Variants in C12orf42 observed in about 807,000 individuals in gnomAD.
The protein encoded by C12orf42 is uncharacterized protein C12orf42.
C12orf42 carries 25 observed loss-of-function variants against 21.6 expected under a neutral mutation model. The ratio of observed to expected loss-of-function variants is 1.16; its 90% confidence interval spans 0.84 to 1.62. The LOEUF is 1.62. Among genes scored for constraint, C12orf42 ranks in the 40% most tolerant of loss-of-function variants. The probability of loss-of-function intolerance (pLI) is 0.00; values close to 1 mark genes in which losing one functional copy is unlikely to be tolerated. For synonymous variants in C12orf42, 174 were observed against 175.0 expected (o/e 0.99, Z 0.05); for missense variants, 483 against 459.3 (o/e 1.05, Z -0.47).
the C12orf42 span, among the ~76,000 whole-genome samples, chr12:103,055,934 T>C: frequency 6.6e-6 from 1 of 152,048 alleles, no homozygotes; most frequent in Non-Finnish European, 1.5e-5. Context: ...TCTGAATTGG[T>C]TGAGATTTGT....
At chr12:103,487,404 T>C (rs1458403967) in intron 1 of C12orf42, among the ~76,000 whole-genome samples, 1 of 152,214 alleles carries the variant, frequency 6.6e-6, no homozygotes, top group East Asian at 1.9e-4. Context: ...GTAAGTGTGA[T>C]GTGGTGCTGA....
In C12orf42 at chr12:103,444,137, AT is replaced by A. The variant is rs1951433094; in HGVS notation, c.78+34211del. On this transcript the variant is annotated intron_variant, in intron 2 of 5. Transcript: ENST00000548883. ...GTTACCCATTTTAATAATTTATGTT[AT>A]CTTTACTAATTATAATTATTAATGC... Among the ~76,000 whole-genome samples the A allele has an allele frequency of 2.6e-5, 4 of 152,118 alleles. No homozygotes were observed. The South Asian group carries it at 8.3e-4, about 31-fold the overall frequency.
the C12orf42 span, among the ~76,000 whole-genome samples, chr12:103,136,895 A>C: frequency 6.6e-6 from 1 of 152,352 alleles, no homozygotes; most frequent in South Asian, 2.1e-4. Flanking sequence ...AGATAGATTA[A>C]AGACTTAATT....
intron 10 of C12orf42, among the ~76,000 whole-genome samples, chr12:103,254,243 CG>C (rs1482278810): frequency 2.0e-5 from 3 of 152,114 alleles, no homozygotes; most frequent in Non-Finnish European, 4.4e-5. Flanking sequence ...GATCCTTTCC[CG>C]GTTGCTTGTT....
chr12:103,561,509 C>T, the C12orf42 span, among the ~76,000 whole-genome samples: 1 of 152,088 alleles, frequency 6.6e-6, no homozygotes, highest in Non-Finnish European at 1.5e-5. Context: ...CTCACTGAGG[C>T]CTTTTCTTAT....
At chr12:103,147,439 C>T in the C12orf42 span, among the ~76,000 whole-genome samples, 92,232 of 150,506 alleles carry the variant, frequency 0.61, 30,148 homozygotes, top group East Asian at 0.86. Flanking sequence ...ATTTTCTATA[C>T]AGAAATCCAC....
rs192010116 is a variant in C12orf42 at position 103,381,451 on chromosome 12, T to C, written c.148-12453A>G. 1.1e-4 allele frequency among the ~76,000 whole-genome samples: 16 copies of C among 152,204 alleles called. No individual in the cohort carries two copies. The East Asian group carries it at 2.1e-3, about 20-fold the overall frequency. Reference sequence around the variant, plus strand: ...TTGAGCTCTTACTTGTAGCTGAGGTTTATTTGAGGGAGGGAAAAGAAAGGG... The same window carrying C: ...TTGAGCTCTTACTTGTAGCTGAGGTCTATTTGAGGGAGGGAAAAGAAAGGG... On this transcript the variant is annotated intron_variant, in intron 3 of 5. Transcript: ENST00000548883.
the C12orf42 span, among the ~76,000 whole-genome samples, chr12:103,524,106 T>C: frequency 5.2e-3 from 793 of 152,304 alleles, 6 homozygotes; most frequent in African/African-American, 0.018. Flanking sequence ...TGTAACAGAA[T>C]CTGACCTTCT....
Position 103,302,628 on chromosome 12 carries a change from C to T in C12orf42, c.632-69G>A, listed in dbSNP as rs1000099972. The stretch of plus-strand genomic sequence containing the variant: ...CGTGCGGGACCACACCGCACCCCCG[C>T]GACAACTGGACGTCTGAGAAATCAA... On this transcript the variant is annotated intron_variant, in intron 5 of 5. Transcript: ENST00000548883. 1.2e-5 allele frequency: 16 copies of T among 1,324,380 alleles called. No individual in the cohort carries two copies. In the East Asian group the frequency reaches 1.9e-4, roughly 15 times the overall value. The allele number at this position is 1,324,380 out of a possible 1,614,324, so 82.0% of individuals were successfully genotyped here.
intron 2 of C12orf42, among the ~76,000 whole-genome samples, chr12:103,407,154 C>A (rs950638411): frequency 6.6e-6 from 1 of 152,062 alleles, no homozygotes; most frequent in African/African-American, 2.4e-5. Flanking sequence ...AGCCTGCAGC[C>A]TCTTCACAGT....
chr12:103,323,374 T>TC (rs2040370559), intron 4 of C12orf42, among the ~76,000 whole-genome samples: 1 of 152,262 alleles, frequency 6.6e-6, no homozygotes, highest in Non-Finnish European at 1.5e-5. Context: ...AGATGCCTGT[T>TC]CAACACAGTG....
chr12:103,479,017 A>T (rs11111601), intron 1 of C12orf42, among the ~76,000 whole-genome samples: 29,388 of 152,004 alleles, frequency 0.19, 3,185 homozygotes, highest in African/African-American at 0.3. Context: ...GTCTTATTGC[A>T]CTAGTTTACA....
Position 103,319,378 on chromosome 12 carries a change from T to C in C12orf42, c.260-13033A>G, listed in dbSNP as rs144935814. The stretch of plus-strand genomic sequence containing the variant: ...GAGTCACACAGGGAGTCAGAAACAA[T>C]TGAAAAAGAAATCCAGGCTACCCCC... On this transcript the variant is annotated intron_variant, in intron 4 of 5. Coordinates refer to ENST00000548883, the MANE Select transcript of C12orf42 (RefSeq NM_198521.5). 1.1e-3 allele frequency among the ~76,000 whole-genome samples: 170 copies of C among 151,980 alleles called. 1 individual carries two copies. Among genetic ancestry groups the C allele is most frequent in the African/African-American group, 3.8e-3 (159 of 41,446 alleles).
the C12orf42 span, among the ~76,000 whole-genome samples, chr12:103,214,308 T>C: frequency 1.3e-5 from 2 of 152,198 alleles, no homozygotes; most frequent in Non-Finnish European, 2.9e-5. Context: ...TTTCTTTTTG[T>C]CCTGTAGGGA....
At chr12:103,557,009 C>T in the C12orf42 span, among the ~76,000 whole-genome samples, 2 of 151,628 alleles carry the variant, frequency 1.3e-5, no homozygotes, top group Admixed American at 1.3e-4. Flanking sequence ...GTGGCCCTGC[C>T]AACACCTTGA....
chr12:103,469,709 C>T (rs1953438683), intron 2 of C12orf42, among the ~76,000 whole-genome samples: 2 of 152,178 alleles, frequency 1.3e-5, no homozygotes, highest in African/African-American at 4.8e-5. Flanking sequence ...AATCAACGGG[C>T]ATGGATGTTT....
At chr12:103,263,143 G>T (rs963351131) in intron 10 of C12orf42, among the ~76,000 whole-genome samples, 4 of 151,918 alleles carry the variant, frequency 2.6e-5, no homozygotes, top group Admixed American at 6.6e-5. Flanking sequence ...ACACACCAGG[G>T]TCTATTGGGG....
intron 2 of C12orf42, among the ~76,000 whole-genome samples, chr12:103,428,969 C>A (rs1182683759): frequency 6.6e-6 from 1 of 152,138 alleles, no homozygotes; most frequent in African/African-American, 2.4e-5. Context: ...GAACCTATCT[C>A]AAAATAATAA....
intron 3 of C12orf42, among the ~76,000 whole-genome samples, chr12:103,391,942 G>C (rs1056699662): frequency 6.6e-6 from 1 of 151,970 alleles, no homozygotes; most frequent in African/African-American, 2.4e-5. Context: ...GTTTTCTTCT[G>C]AATTTTATAG....
Sources: allele counts gnomAD v4.1 joint callset (sites outside exome capture counted in the v4.1 genomes callset), GRCh38; gene constraint gnomAD v4.1.1; transcripts MANE v1.5; gene names NCBI Gene and HGNC (gene_info 2026-07-23, HGNC 2026-07-21).